The following TSPAN3 variants were observed in gnomAD, a reference collection of about 807,000 sequenced individuals.
TSPAN3 encodes the protein tetraspanin 3.
Under a neutral mutation model 31.1 loss-of-function variants are expected in TSPAN3, and 9 were observed. The observed-to-expected ratio is 0.29, with a 90% confidence interval of 0.17 to 0.50. The LOEUF is 0.50. TSPAN3 is among the 20% of genes least tolerant of loss of function. TSPAN3 has a pLI of 0.98. For synonymous variants in TSPAN3, 129 were observed against 114.3 expected (o/e 1.13, Z -0.82); for missense variants, 252 against 313.5 (o/e 0.80, Z 1.48).
chr15:77,070,588 G>GGT (rs1426272869), intron 1 of TSPAN3, among the ~76,000 whole-genome samples: 1 of 152,034 alleles, frequency 6.6e-6, no homozygotes, highest in Non-Finnish European at 1.5e-5. Context: ...ACTCCGGGGG[G>GGT]GGGAGACTGG....
chr15:77,056,355 TTA>T (rs2076768920), intron 1 of TSPAN3, 100 bp from the exon 2 acceptor site: 1 of 891,012 alleles, frequency 1.1e-6, no homozygotes, highest in South Asian at 2.6e-5. Context: ...ACCGTAACTG[TTA>T]TAGACTTTTT....
At chr15:77,047,218 T>C (rs2076698948) in intron 6 of TSPAN3, among the ~76,000 whole-genome samples, 1 of 152,238 alleles carries the variant, frequency 6.6e-6, no homozygotes, top group Admixed American at 6.5e-5. Flanking sequence ...GAAAGAACTT[T>C]CTGCAGCGAT....
rs549004031 is a variant in TSPAN3 at position 77,044,905 on chromosome 15, T to C, written c.*1930A>G. ...AAAGGTCACAAACATTCTTGCCCAC[T>C]GTGCAACAGGCAGGGGCAAGAGGTG... On this transcript the variant is annotated 3_prime_UTR_variant, in exon 7 of 7. Transcript: ENST00000267970. The C allele has an allele frequency of 2.0e-5, 3 of 152,152 alleles. No homozygotes were observed. Among genetic ancestry groups the C allele is most frequent in the Admixed American group, 6.5e-5 (1 of 15,276 alleles). The allele number at this position is 152,152 out of a possible 1,614,324, so 9.4% of individuals were successfully genotyped here. A position where few individuals can be genotyped will look rare whatever the true frequency, so the allele number is the denominator to read the frequency against.
In TSPAN3 at chr15:77,045,351, T is replaced by A. The variant is rs2076684130; in HGVS notation, c.*1484A>T. ...CTGCCCACTGCTAAGCTCTCTCAAC[T>A]GCTATGCCAGCCTAACTGAAGCCCA... On this transcript the variant is annotated 3_prime_UTR_variant, in exon 7 of 7. Transcript: ENST00000267970. 1 of 152,462 alleles carries A rather than the reference T, an allele frequency of 6.6e-6. No individual in the cohort carries two copies. The highest frequency in any genetic ancestry group is 1.5e-5 in the Non-Finnish European group (1 of 68,140). 9.4% of individuals were successfully genotyped at this position (152,462 alleles called of 1,614,324 possible).
At chr15:77,059,098 TTTGAGACGGAG>T (rs2152696868) in intron 1 of TSPAN3, among the ~76,000 whole-genome samples, 1 of 152,318 alleles carries the variant, frequency 6.6e-6, no homozygotes, top group South Asian at 2.1e-4. Context: ...TTATTTATTT[TTTGAGACGGAG>T]TCTCACTCAG....
chr15:77,055,678 C>G (rs2076764163), intron 3 of TSPAN3, 111 bp downstream of exon 3: 1 of 841,534 alleles, frequency 1.2e-6, no homozygotes, highest in Non-Finnish European at 1.8e-6. Flanking sequence ...ACAGATTAAA[C>G]AAGTAAGGCA....
chr15:77,068,055 T>C (rs141900950), intron 1 of TSPAN3: 2 of 152,348 alleles, frequency 1.3e-5, no homozygotes, highest in East Asian at 3.9e-4. Flanking sequence ...GTAAAGTGTT[T>C]AGCACAGTGC....
chr15:77,052,141 T>C (rs1471752579), intron 6 of TSPAN3, among the ~76,000 whole-genome samples: 2 of 152,218 alleles, frequency 1.3e-5, no homozygotes, highest in African/African-American at 4.8e-5. Flanking sequence ...AGAAAGACAG[T>C]AAGACGAGGA....
rs2076739590 is a variant in TSPAN3, at chr15:77,052,636, G to A, written c.585+141C>T. On this transcript the variant is annotated intron_variant, in intron 5 of 6. Coordinates refer to ENST00000267970, the MANE Select transcript of TSPAN3 (RefSeq NM_005724.6). Reference sequence around the variant, plus strand: ...AGACATGTAATTAAAACAAAGACATGCATTTTATAATAATTTACAGTAAAA... The same window carrying A: ...AGACATGTAATTAAAACAAAGACATACATTTTATAATAATTTACAGTAAAA... 5 of 1,095,440 alleles carry A rather than the reference G, an allele frequency of 4.6e-6. No individual in the cohort carries two copies. In the East Asian group the frequency reaches 7.6e-5, roughly 17 times the overall value. The allele number at this position is 1,095,440 out of a possible 1,614,324, so 67.9% of individuals were successfully genotyped here.
At chr15:77,047,032 A>G (rs1420309645) in intron 6 of TSPAN3, 105 bp from the exon 7 acceptor site, 20 of 810,314 alleles carry the variant, frequency 2.5e-5, no homozygotes, top group Non-Finnish European at 3.7e-5. Flanking sequence ...CAATGACTTC[A>G]AATCATCAAA....
At chr15:77,060,627 T>G in intron 1 of TSPAN3, among the ~76,000 whole-genome samples, 1 of 152,102 alleles carries the variant, frequency 6.6e-6, no homozygotes, top group East Asian at 1.9e-4. Context: ...CTTAAATTCT[T>G]CTTTTGAAGG....
Position 77,070,926 on chromosome 15 carries a change from T to C in TSPAN3, c.29A>G (p.Lys10Arg). The change falls in exon 1 of 7, where the codon AAG (lysine) becomes AGG (arginine). Residue 10 changes from lysine (K) to arginine (R), a missense_variant. Transcript: ENST00000267970. MGQCGITSS[K>R]TVLVFLNLIF... Reference sequence around the variant, plus strand: ...GAGGTTGAGAAAGACCAGCACGGTCTTGGAGGAGGTGATGCCGCACTGGCC... The same window carrying C: ...GAGGTTGAGAAAGACCAGCACGGTCCTGGAGGAGGTGATGCCGCACTGGCC... 1 of 1,442,190 alleles carries C rather than the reference T, an allele frequency of 6.9e-7. No individual in the cohort carries two copies. Among genetic ancestry groups the C allele is most frequent in the Non-Finnish European group, 9.2e-7 (1 of 1,089,596 alleles). 89.3% of individuals were successfully genotyped at this position (1,442,190 alleles called of 1,614,324 possible). A position where few individuals can be genotyped will look rare whatever the true frequency, so the allele number is the denominator to read the frequency against.
chr15:77,049,862 A>G (rs914031404), intron 6 of TSPAN3, among the ~76,000 whole-genome samples: 7 of 152,206 alleles, frequency 4.6e-5, no homozygotes, highest in Admixed American at 2.6e-4. Flanking sequence ...TTATCCAGCT[A>G]AAGTGTCAAT....
At chr15:77,052,723 A>G in intron 5 of TSPAN3, 54 bp downstream of exon 5, 1 of 1,586,010 alleles carries the variant, frequency 6.3e-7, no homozygotes. Flanking sequence ...GTGATAAGAC[A>G]TGGTGAAAAA....
chr15:77,063,299 G>A (rs1468229721), intron 1 of TSPAN3: 1 of 151,836 alleles, frequency 6.6e-6, no homozygotes, highest in Non-Finnish European at 1.5e-5. Flanking sequence ...AAGGAGACAA[G>A]TTTTTTTTAA....
chr15:77,050,322 T>C (rs1304400765), intron 6 of TSPAN3, among the ~76,000 whole-genome samples: 5 of 152,194 alleles, frequency 3.3e-5, no homozygotes, highest in African/African-American at 1.2e-4. Context: ...TTTGAGTCTG[T>C]GAAAGCTCTG....
chr15:77,066,682 T>C (rs986829586), intron 1 of TSPAN3, among the ~76,000 whole-genome samples: 4 of 151,092 alleles, frequency 2.6e-5, no homozygotes, highest in African/African-American at 9.8e-5. Flanking sequence ...AATACACTTA[T>C]ATTTAAAGCC....
intron 6 of TSPAN3, among the ~76,000 whole-genome samples, chr15:77,050,505 G>A (rs1035283091): frequency 6.6e-6 from 1 of 152,078 alleles, no homozygotes; most frequent in African/African-American, 2.4e-5. Flanking sequence ...GAAATGTCTG[G>A]CAGGCTAAGC....
At chr15:77,060,547 G>A (rs566059304) in intron 1 of TSPAN3, among the ~76,000 whole-genome samples, 3 of 152,284 alleles carry the variant, frequency 2.0e-5, no homozygotes, top group South Asian at 2.1e-4. Flanking sequence ...AGTATGCATA[G>A]GGACTTTGTC....
Sources: gnomAD v4.1 joint callset for allele counts (sites outside exome capture counted in the v4.1 genomes callset) on GRCh38, gnomAD v4.1.1 for gene constraint, MANE v1.5 for transcripts, NCBI Gene and HGNC (gene_info 2026-07-23, HGNC 2026-07-21) for gene names.